STX5: variants seen among roughly 807,000 people sequenced by gnomAD.
STX5 encodes syntaxin-5.
In STX5, 15 loss-of-function variants were observed where a neutral mutation model predicts 42.9. That is an observed-to-expected ratio of 0.35 (90% confidence interval 0.23 to 0.54). The LOEUF is 0.54. Ranked by LOEUF, STX5 falls within the 20% of genes least tolerant of loss-of-function variation. The pLI is 0.91. For synonymous variants in STX5, 184 were observed against 173.2 expected, an observed-to-expected ratio of 1.06 and a Z score of -0.49; for missense variants, 430 against 455.0, an observed-to-expected ratio of 0.95 and a Z score of 0.50.
At chr11:62,818,984 C>G (rs958352897) in intron 10 of STX5, among the ~76,000 whole-genome samples, 6 of 151,760 alleles carry the variant, frequency 4.0e-5, no homozygotes, top group African/African-American at 1.5e-4. Flanking sequence ...CTTTGGGAGG[C>G]CGAGGCAGGT....
chr11:62,808,579 G>A (rs1301292728), intron 10 of STX5, among the ~76,000 whole-genome samples: 1 of 152,080 alleles, frequency 6.6e-6, no homozygotes, highest in Non-Finnish European at 1.5e-5. Flanking sequence ...TAAGACACTT[G>A]TCTCTACTAA....
At chr11:62,823,989 T>C (rs2084766373) in intron 10 of STX5, 177 bp downstream of exon 10, 3 of 944,656 alleles carry the variant, frequency 3.2e-6, no homozygotes, top group Non-Finnish European at 4.8e-6. Context: ...GTGCCTCACA[T>C]GAACAGGTGC....
chr11:62,818,898 T>C (rs1417053332), intron 10 of STX5, among the ~76,000 whole-genome samples: 1 of 151,358 alleles, frequency 6.6e-6, no homozygotes, highest in African/African-American at 2.4e-5. Context: ...ATATCCAGAA[T>C]TCTATATCCA....
chr11:62,818,402 C>CAA (rs553124975), intron 10 of STX5, among the ~76,000 whole-genome samples: 1 of 145,746 alleles, frequency 6.9e-6, no homozygotes, highest in African/African-American at 2.5e-5. Context: ...ACTAAAAATA[C>CAA]AAAAAAAAAA....
At chr11:62,813,137 G>A (rs2084636770) in intron 10 of STX5, among the ~76,000 whole-genome samples, 1 of 151,562 alleles carries the variant, frequency 6.6e-6, no homozygotes, top group South Asian at 2.1e-4. Flanking sequence ...AGCCAGGCAT[G>A]GTGGTGCATG....
At chr11:62,827,662 T>TA (rs1476731449) in intron 2 of STX5, 31 bp from the exon 3 acceptor site, 14 of 1,613,014 alleles carry the variant, frequency 8.7e-6, no homozygotes, top group Non-Finnish European at 1.2e-5. Flanking sequence ...GTGACAACTT[T>TA]AGTTCTCCCT....
chr11:62,807,265 T>G lies in STX5; in HGVS notation c.*204A>C. On this transcript the variant is annotated 3_prime_UTR_variant, in exon 11 of 11. Coordinates refer to ENST00000294179, the MANE Select transcript of STX5 (RefSeq NM_003164.5). ...GAGTTCAAATCTAGAACCCTGTGTG[T>G]TTCATAGGCCTGAGGGTGGTGGGGG... 2.9e-6 allele frequency: 2 copies of G among 681,692 alleles called. No homozygotes were observed. The highest frequency in any genetic ancestry group is 4.6e-6 in the Non-Finnish European group (2 of 434,404). The allele number at this position is 681,692 out of a possible 1,614,324, so 42.2% of individuals were successfully genotyped here.
chr11:62,822,870 T>C (rs538301295), intron 10 of STX5, among the ~76,000 whole-genome samples: 1 of 152,304 alleles, frequency 6.6e-6, no homozygotes, highest in East Asian at 1.9e-4. Flanking sequence ...ATAAAAACTC[T>C]TGTAGTAGCA....
intron 5 of STX5, among the ~76,000 whole-genome samples, chr11:62,825,972 C>T (rs1476356059): frequency 6.6e-6 from 1 of 152,140 alleles, no homozygotes; most frequent in African/African-American, 2.4e-5. Flanking sequence ...TTTTCATACA[C>T]ACAATTCCTC....
At chr11:62,817,146 T>C (rs1275023531) in intron 10 of STX5, among the ~76,000 whole-genome samples, 3 of 151,962 alleles carry the variant, frequency 2.0e-5, no homozygotes, top group Non-Finnish European at 4.4e-5. Context: ...CAGGGTGGTC[T>C]TGAACTCCTG....
intron 3 of STX5, 25 bp from the exon 4 acceptor site, chr11:62,827,423 G>A (rs746671848): frequency 6.2e-7 from 1 of 1,614,130 alleles, no homozygotes; most frequent in South Asian, 1.1e-5. Context: ...TAGTCAGACT[G>A]TGGGAAAGGG....
At chr11:62,818,493 T>C (rs1453657916) in intron 10 of STX5, among the ~76,000 whole-genome samples, 1 of 143,448 alleles carries the variant, frequency 7.0e-6, no homozygotes, top group African/African-American at 2.6e-5. Flanking sequence ...ATCCAGGAAG[T>C]GGAGACTGCA....
At chr11:62,818,807 G>A (rs899490373) in intron 10 of STX5, among the ~76,000 whole-genome samples, 1 of 151,760 alleles carries the variant, frequency 6.6e-6, no homozygotes, top group African/African-American at 2.4e-5. Context: ...TCGTGCCACT[G>A]CACTCCAGCA....
In STX5 at chr11:62,810,170, T is replaced by G. The variant is rs180949239; in HGVS notation, c.909-2542A>C. Among the ~76,000 whole-genome samples, 3 of 149,942 alleles carry G rather than the reference T, an allele frequency of 2.0e-5. No homozygotes were observed. The East Asian group carries it at 5.9e-4, about 30-fold the overall frequency. On this transcript the variant is annotated intron_variant, in intron 10 of 10. Transcript: ENST00000294179. The stretch of plus-strand genomic sequence containing the variant: ...AAAATGTTAACAATTGGTGGCCAGA[T>G]CTGGCCAACGCCTGTAATCCCAGCA...
intron 2 of STX5, chr11:62,830,627 G>A (rs2084846021): frequency 2.2e-6 from 1 of 460,672 alleles, no homozygotes; most frequent in African/African-American, 2.0e-5. Context: ...TATGTAACTA[G>A]ATTAACTAAT....
In STX5 at chr11:62,827,328, C is replaced by T. The variant is rs776780470; in HGVS notation, c.352+15G>A. On this transcript the variant is annotated intron_variant, in intron 4 of 10. Transcript: ENST00000294179. ...ATTTACTGCCCCACTTCTGAAAGAC[C>T]CCAAGAACACTCACAGATTGTCAGC... is the stretch of plus-strand genomic sequence containing the variant. 6.2e-7 allele frequency: 1 copy of T among 1,614,134 alleles called. No homozygotes were observed. Among genetic ancestry groups the T allele is most frequent in the Non-Finnish European group, 8.5e-7 (1 of 1,180,020 alleles).
chr11:62,807,198 G>T lies in STX5; in HGVS notation c.*271C>A. ...CTAGTGGAAACAACCTCCCCCACTG[G>T]CCCCCAGCTGGCCTCTGCTCCCTTC... On this transcript the variant is annotated 3_prime_UTR_variant, in exon 11 of 11. Coordinates refer to ENST00000294179, the MANE Select transcript of STX5 (RefSeq NM_003164.5). 3.2e-6 allele frequency: 1 copy of T among 308,166 alleles called. No homozygotes were observed. Among genetic ancestry groups the T allele is most frequent in the East Asian group, 5.4e-5 (1 of 18,360 alleles). 19.1% of individuals were successfully genotyped at this position (308,166 alleles called of 1,614,324 possible).
intron 10 of STX5, among the ~76,000 whole-genome samples, chr11:62,813,089 G>A (rs1472043590): frequency 1.3e-4 from 16 of 122,854 alleles, no homozygotes; most frequent in Non-Finnish European, 2.5e-4. Flanking sequence ...GTGAGACTCC[G>A]TCTCAAAAAA....
At chr11:62,828,712 C>A (rs532642966) in intron 2 of STX5, among the ~76,000 whole-genome samples, 4 of 149,334 alleles carry the variant, frequency 2.7e-5, no homozygotes, top group Non-Finnish European at 5.9e-5. Flanking sequence ...GGTGACAGAG[C>A]GAGACTCCGT....
Sources: allele counts gnomAD v4.1 joint callset (sites outside exome capture counted in the v4.1 genomes callset), GRCh38; gene constraint gnomAD v4.1.1; transcripts MANE v1.5; gene names NCBI Gene and HGNC (gene_info 2026-07-23, HGNC 2026-07-21).